The following TEX11 variants were observed in gnomAD, a reference collection of about 807,000 sequenced individuals.
The protein encoded by TEX11 is testis-expressed protein 11.
TEX11 carries 7 observed loss-of-function variants against 84.4 expected under a neutral mutation model. That is an observed-to-expected ratio of 0.08 (90% CI 0.05 to 0.16). The LOEUF (loss-of-function observed/expected upper bound fraction) is 0.16, where lower values mean the gene tolerates loss of function less well. TEX11 is among the 10% of genes least tolerant of loss of function. The pLI, the probability that TEX11 is intolerant of heterozygous loss-of-function variation, is 1.00. For synonymous variants in TEX11, 264 were observed against 222.8 expected (o/e 1.18, Z -1.64); for missense variants, 551 against 660.5 (o/e 0.83, Z 1.82).
intron 13 of TEX11, among the ~76,000 whole-genome samples, chrX:70,711,804 T>C (rs1210524430): frequency 9.0e-6 from 1 of 111,698 alleles, no homozygotes; most frequent in African/African-American, 3.3e-5. Context: ...TTAGATCCCA[T>C]TTGTCACTTT....
chrX:70,571,840 A>C (rs1298951258), intron 25 of TEX11, among the ~76,000 whole-genome samples: 1 of 111,855 alleles, frequency 8.9e-6, no homozygotes, highest in African/African-American at 3.2e-5. Flanking sequence ...TTAGTGGTGG[A>C]CTGAAGTTTA....
At chrX:70,803,151 CAA>C (rs1217781545) in intron 9 of TEX11, among the ~76,000 whole-genome samples, 5 of 111,524 alleles carry the variant, frequency 4.5e-5, no homozygotes, top group Admixed American at 9.6e-5. Flanking sequence ...AACAAACAAA[CAA>C]AAAAACTCTT....
At position 70,876,839 on chromosome X, in the gene TEX11, G is replaced by C. The variant is rs772992783; in HGVS notation, c.159+3149C>G. Among the ~76,000 whole-genome samples, 101 of 110,966 alleles carry C rather than the reference G, an allele frequency of 9.1e-4. 2 individuals carry two copies. Among genetic ancestry groups the C allele is most frequent in the Non-Finnish European group, 1.8e-3 (93 of 52,978 alleles). On this transcript the variant is annotated intron_variant, in intron 3 of 29. Coordinates refer to ENST00000374333, the MANE Select transcript of TEX11 (RefSeq NM_031276.3). ...CGGAGGGCTGAGGGGGATCACTTGA[G>C]CCTAGGAGGTCGAGGATGCAGTGAG...
At chrX:70,777,238 A>C (rs183590481) in intron 9 of TEX11, among the ~76,000 whole-genome samples, 1 of 111,285 alleles carries the variant, frequency 9.0e-6, no homozygotes. Flanking sequence ...AGTTACATTA[A>C]CTTGTTCATT....
intron 20 of TEX11, among the ~76,000 whole-genome samples, chrX:70,619,782 A>G (rs770575291): frequency 9.0e-6 from 1 of 110,672 alleles, no homozygotes; most frequent in East Asian, 2.8e-4. Context: ...CAAATTATTA[A>G]TGACTGAATG....
At chrX:70,880,473 T>C (rs1430323599) in intron 2 of TEX11, among the ~76,000 whole-genome samples, 3 of 110,864 alleles carry the variant, frequency 2.7e-5, no homozygotes, top group South Asian at 7.7e-4. Context: ...GGTAGGAGGA[T>C]CACTTGAGTC....
At chrX:70,623,283 C>G (rs2089415351) in intron 20 of TEX11, among the ~76,000 whole-genome samples, 1 of 112,010 alleles carries the variant, frequency 8.9e-6, no homozygotes, top group Non-Finnish European at 1.9e-5. Flanking sequence ...CTAATCAACA[C>G]CCCGAGTAGA....
chrX:70,612,179 A>T (rs936504741), intron 20 of TEX11, among the ~76,000 whole-genome samples: 1 of 110,034 alleles, frequency 9.1e-6, no homozygotes, highest in Admixed American at 9.7e-5. Context: ...CTCTCCCCAC[A>T]ATTCACCACC....
chrX:70,547,608 G>A (rs1312862219), intron 28 of TEX11, among the ~76,000 whole-genome samples: 3 of 111,627 alleles, frequency 2.7e-5, no homozygotes, highest in Non-Finnish European at 5.6e-5. Flanking sequence ...AGTGGGCAAA[G>A]GATATGAACA....
chrX:70,639,347 C>A (rs1190450618), intron 17 of TEX11, among the ~76,000 whole-genome samples: 2 of 111,968 alleles, frequency 1.8e-5, no homozygotes, highest in Non-Finnish European at 3.8e-5. Flanking sequence ...GGGGGAGGGG[C>A]GCCCACCATT....
intron 24 of TEX11, among the ~76,000 whole-genome samples, chrX:70,600,326 A>G (rs924734861): frequency 9.0e-6 from 1 of 111,236 alleles, no homozygotes; most frequent in African/African-American, 3.3e-5. Context: ...TTCGTATTGG[A>G]TATATATGCA....
At chrX:70,606,089 C>T (rs977487417) in intron 23 of TEX11, among the ~76,000 whole-genome samples, 1 of 112,463 alleles carries the variant, frequency 8.9e-6, no homozygotes, top group Non-Finnish European at 1.9e-5. Context: ...CAATTTATTT[C>T]ACTTAATTAA....
At chrX:70,614,460 T>G (rs1376725818) in intron 20 of TEX11, among the ~76,000 whole-genome samples, 1 of 111,681 alleles carries the variant, frequency 9.0e-6, no homozygotes, top group Admixed American at 9.4e-5. Context: ...GGACTGTGTC[T>G]CATGGTTTGA....
chrX:70,639,619 C>A (rs976587944), intron 17 of TEX11, among the ~76,000 whole-genome samples: 6 of 111,696 alleles, frequency 5.4e-5, no homozygotes, highest in South Asian at 7.5e-4. Flanking sequence ...CCCCTGACCC[C>A]CAAGCAGCCT....
intron 18 of TEX11, among the ~76,000 whole-genome samples, chrX:70,626,200 C>T (rs1219084871): frequency 1.8e-5 from 2 of 111,318 alleles, no homozygotes; most frequent in Non-Finnish European, 3.8e-5. Context: ...TCATTTCACA[C>T]TCTCAGTCAG....
intron 13 of TEX11, among the ~76,000 whole-genome samples, chrX:70,717,598 C>T (rs2090517844): frequency 9.0e-6 from 1 of 111,667 alleles, no homozygotes; most frequent in Admixed American, 9.5e-5. Flanking sequence ...AAATTACAGG[C>T]GTAAGCCACC....
At chrX:70,565,739 C>T (rs1211575402) in intron 25 of TEX11, among the ~76,000 whole-genome samples, 1 of 110,300 alleles carries the variant, frequency 9.1e-6, no homozygotes, top group Non-Finnish European at 1.9e-5. Flanking sequence ...TTTCTGAGGG[C>T]TCTGTTCTGT....
chrX:70,821,602 C>T (rs2091318317), intron 8 of TEX11, among the ~76,000 whole-genome samples: 2 of 112,170 alleles, frequency 1.8e-5, no homozygotes, highest in South Asian at 7.5e-4. Context: ...GCCTGTAGAA[C>T]CGTGAGCCAA....
intron 13 of TEX11, among the ~76,000 whole-genome samples, chrX:70,683,200 G>A (rs1402120907): frequency 9.0e-6 from 1 of 111,683 alleles, no homozygotes. Context: ...CTAAAAACTT[G>A]TTTATGTTTG....
Sources: allele counts gnomAD v4.1 joint callset (sites outside exome capture counted in the v4.1 genomes callset), GRCh38; gene constraint gnomAD v4.1.1; transcripts MANE v1.5; gene names NCBI Gene and HGNC (gene_info 2026-07-23, HGNC 2026-07-21).